MTMR8: variants seen among roughly 807,000 people sequenced by gnomAD.
The protein encoded by MTMR8 is phosphatidylinositol-3,5-bisphosphate 3-phosphatase MTMR8.
MTMR8 carries 65 observed loss-of-function variants against 39.3 expected under a neutral mutation model. That is an observed-to-expected ratio of 1.65 (90% CI 1.35 to 2.03). The LOEUF is 2.03. MTMR8 is among the 30% of genes most tolerant of loss of function. The probability of loss-of-function intolerance (pLI) is 0.00; values close to 1 mark genes in which losing one functional copy is unlikely to be tolerated. For missense variants in MTMR8, 777 were observed against 538.9 expected, an observed-to-expected ratio of 1.44 and a Z score of -4.37; for synonymous variants, 245 against 185.2, an observed-to-expected ratio of 1.32 and a Z score of -2.62.
In MTMR8 at chrX:64,297,899, C is replaced by T. The variant is rs1402532075; in HGVS notation, c.1482-26826G>A. 1.6e-4 allele frequency among the ~76,000 whole-genome samples: 16 copies of T among 102,365 alleles called. No homozygotes were observed. In the South Asian group the frequency reaches 1.9e-3, roughly 12 times the overall value. The allele number at this position is 102,365 out of a possible 115,157, so 88.9% of individuals were successfully genotyped here. A position where few individuals can be genotyped will look rare whatever the true frequency, so the allele number is the denominator to read the frequency against. Reference sequence around the variant, plus strand: ...CAAAGATCAGATAGTTGTAGGTAGGCGGCGTTATTTCTGAGGGCTCTGTTC... The same window carrying T: ...CAAAGATCAGATAGTTGTAGGTAGGTGGCGTTATTTCTGAGGGCTCTGTTC... On this transcript the variant is annotated intron_variant, in intron 12 of 13. Coordinates refer to ENST00000374852, the MANE Select transcript of MTMR8 (RefSeq NM_017677.4).
intron 1 of MTMR8, among the ~76,000 whole-genome samples, chrX:64,364,047 C>T (rs1387387903): frequency 6.2e-5 from 7 of 112,467 alleles, no homozygotes; most frequent in Non-Finnish European, 1.1e-4. Flanking sequence ...GGGGTGTCCA[C>T]CATTGCTGAG....
At chrX:64,319,290 T>C (rs144336878) in intron 12 of MTMR8, among the ~76,000 whole-genome samples, 33 of 112,386 alleles carry the variant, frequency 2.9e-4, no homozygotes, top group Non-Finnish European at 7.5e-5. Context: ...AAATGCTTAG[T>C]TAAAAAAAGA....
intron 1 of MTMR8, among the ~76,000 whole-genome samples, chrX:64,374,267 T>A (rs1924204492): frequency 8.9e-6 from 1 of 111,795 alleles, no homozygotes; most frequent in African/African-American, 3.3e-5. Context: ...TCAGAAAGAT[T>A]CCCCTGGGAG....
At chrX:64,314,800 C>G (rs905331299) in intron 12 of MTMR8, among the ~76,000 whole-genome samples, 1 of 112,069 alleles carries the variant, frequency 8.9e-6, no homozygotes, top group African/African-American at 3.2e-5. Flanking sequence ...TGGGATGGTA[C>G]GTGACCTCGG....
chrX:64,320,077 C>T (rs779959232), intron 12 of MTMR8, among the ~76,000 whole-genome samples: 80 of 111,193 alleles, frequency 7.2e-4, no homozygotes, highest in African/African-American at 2.1e-3. Context: ...TCTTTTATTT[C>T]GTTGAGCAGT....
chrX:64,300,722 T>G (rs1921832159), intron 12 of MTMR8, among the ~76,000 whole-genome samples: 1 of 105,123 alleles, frequency 9.5e-6, no homozygotes, highest in African/African-American at 3.5e-5. Flanking sequence ...TACCGGTTGT[T>G]CCTTTCCATG....
At chrX:64,333,759 T>C (rs1031699816) in intron 10 of MTMR8, among the ~76,000 whole-genome samples, 4 of 111,925 alleles carry the variant, frequency 3.6e-5, no homozygotes, top group African/African-American at 1.3e-4. Flanking sequence ...ATTTGGCTTC[T>C]GCTTTCACCA....
chrX:64,366,768 G>A (rs1312115992), intron 1 of MTMR8, among the ~76,000 whole-genome samples: 4 of 111,420 alleles, frequency 3.6e-5, no homozygotes, highest in East Asian at 2.8e-4. Context: ...GAGCAGAACC[G>A]AAGGAGATAG....
intron 12 of MTMR8, among the ~76,000 whole-genome samples, chrX:64,279,953 A>C (rs899601111): frequency 1.4e-4 from 16 of 112,298 alleles, no homozygotes; most frequent in Non-Finnish European, 3.0e-4. Context: ...TGAAACTGAA[A>C]TGAATAAATT....
intron 12 of MTMR8, among the ~76,000 whole-genome samples, chrX:64,310,349 A>C (rs1288407708): frequency 2.7e-5 from 3 of 110,824 alleles, no homozygotes; most frequent in African/African-American, 9.8e-5. Flanking sequence ...ACTTCTATTT[A>C]TATTTCTCTT....
At chrX:64,295,508 C>A (rs1168332054) in intron 12 of MTMR8, among the ~76,000 whole-genome samples, 1 of 110,783 alleles carries the variant, frequency 9.0e-6, no homozygotes, top group Non-Finnish European at 1.9e-5. Context: ...AAGATACTAT[C>A]AAGAGAATAA....
intron 12 of MTMR8, among the ~76,000 whole-genome samples, chrX:64,284,603 C>T (rs1004789536): frequency 1.8e-5 from 2 of 111,884 alleles, no homozygotes; most frequent in East Asian, 2.8e-4. Flanking sequence ...AAAGGGAACC[C>T]CATCACACTA....
chrX:64,378,774 C>T (rs973900624), intron 1 of MTMR8, among the ~76,000 whole-genome samples: 3 of 111,429 alleles, frequency 2.7e-5, no homozygotes, highest in African/African-American at 9.8e-5. Flanking sequence ...CCAAAGTAAA[C>T]TTCTGAAATA....
chrX:64,308,130 G>A lies in MTMR8; in HGVS notation c.1481+20642C>T, dbSNP rs376728977. 7.9e-4 allele frequency among the ~76,000 whole-genome samples: 87 copies of A among 109,869 alleles called. No individual in the cohort carries two copies. The East Asian group carries it at 0.014, about 18-fold the overall frequency. On this transcript the variant is annotated intron_variant, in intron 12 of 13. Coordinates refer to ENST00000374852, the MANE Select transcript of MTMR8 (RefSeq NM_017677.4). ...ACAAACCTGCACATTGTGCACATGT[G>A]CCCTAAAACTTAAAGTATAATAATA...
chrX:64,302,588 C>A (rs1344776332), intron 12 of MTMR8, among the ~76,000 whole-genome samples: 1 of 112,349 alleles, frequency 8.9e-6, no homozygotes, highest in African/African-American at 3.2e-5. Flanking sequence ...CTTGGCTCCT[C>A]CCCTCGGACC....
At chrX:64,393,254 G>T (rs1191328598) in intron 1 of MTMR8, among the ~76,000 whole-genome samples, 1 of 111,635 alleles carries the variant, frequency 9.0e-6, no homozygotes, top group Non-Finnish European at 1.9e-5. Flanking sequence ...AATAATAATA[G>T]TATCTCCTAA....
rs1467476900 is a variant in MTMR8, at chrX:64,268,322, T to C, written c.*215A>G. 1.3e-5 allele frequency: 5 copies of C among 389,680 alleles called. No individual in the cohort carries two copies. The highest frequency in any genetic ancestry group is 1.7e-5 in the Non-Finnish European group (4 of 232,192). 32.1% of individuals were successfully genotyped at this position (389,680 alleles called of 1,213,427 possible). A position where few individuals can be genotyped will look rare whatever the true frequency, so the allele number is the denominator to read the frequency against. The stretch of plus-strand genomic sequence containing the variant: ...ATAGTTAAATCCCATTTTAGAACAA[T>C]AACATATTCTTTCTCTTGCCTACAC... On this transcript the variant is annotated 3_prime_UTR_variant, in exon 14 of 14. Coordinates refer to ENST00000374852, the MANE Select transcript of MTMR8 (RefSeq NM_017677.4).
intron 12 of MTMR8, among the ~76,000 whole-genome samples, chrX:64,321,263 C>T (rs765195169): frequency 7.2e-5 from 8 of 111,762 alleles, no homozygotes; most frequent in Admixed American, 1.9e-4. Flanking sequence ...TGCTAGTCAA[C>T]AAATTTAAAT....
chrX:64,285,837 G>A (rs939855143), intron 12 of MTMR8, among the ~76,000 whole-genome samples: 1 of 110,660 alleles, frequency 9.0e-6, no homozygotes, highest in Admixed American at 9.6e-5. Flanking sequence ...TGTGTAGAGG[G>A]AAATTTATAG....
Sources: allele counts gnomAD v4.1 joint callset (sites outside exome capture counted in the v4.1 genomes callset), GRCh38; gene constraint gnomAD v4.1.1; transcripts MANE v1.5; gene names NCBI Gene and HGNC (gene_info 2026-07-23, HGNC 2026-07-21).